ADAMTSL1: variants seen among roughly 807,000 people sequenced by gnomAD.
ADAMTSL1 encodes ADAMTS like 1, also known as ADAMTS-like protein 1.
In ADAMTSL1, 126 loss-of-function variants were observed where a neutral mutation model predicts 201.8. That is an observed-to-expected ratio of 0.62 (90% CI 0.54 to 0.72). The LOEUF (loss-of-function observed/expected upper bound fraction) is 0.72, where lower values mean the gene tolerates loss of function less well. ADAMTSL1 is among the 30% of genes least tolerant of loss of function. The pLI is 0.00. For missense variants in ADAMTSL1, 2,679 were observed against 2,277.8 expected (o/e 1.18, Z -3.59); for synonymous variants, 1,121 against 903.4 (o/e 1.24, Z -4.32).
chr9:18,388,155 A>T (rs1296744462), intron 2 of ADAMTSL1, among the ~76,000 whole-genome samples: 1 of 151,652 alleles, frequency 6.6e-6, no homozygotes, highest in Non-Finnish European at 1.5e-5. Context: ...AATTTTACAC[A>T]TTTTTTTGTA....
intron 2 of ADAMTSL1, among the ~76,000 whole-genome samples, chr9:18,447,174 T>C (rs1289972790): frequency 6.6e-6 from 1 of 152,100 alleles, no homozygotes; most frequent in Non-Finnish European, 1.5e-5. Context: ...ATGAAGCAAA[T>C]ATTTTCTGTA....
At chr9:18,875,845 T>C (rs1223497447) in intron 23 of ADAMTSL1, among the ~76,000 whole-genome samples, 1 of 152,210 alleles carries the variant, frequency 6.6e-6, no homozygotes, top group Admixed American at 6.5e-5. Context: ...CAGTGGATTA[T>C]TGAAGTCTCC....
rs868834637 is a variant in ADAMTSL1 at position 18,839,232 on chromosome 9, G to A, written c.4249+9255G>A. Among the ~76,000 whole-genome samples, 7 of 128,368 alleles carry A rather than the reference G, an allele frequency of 5.5e-5. No homozygotes were observed. The Middle Eastern group carries it at 0.029, about 534-fold the overall frequency. The allele number at this position is 128,368 out of a possible 152,430, so 84.2% of individuals were successfully genotyped here. The stretch of plus-strand genomic sequence containing the variant: ...CAGAGTGTAATGTTCCCCTTCCTGT[G>A]TACATGTGTTCTCATTGTTCAATTC... On this transcript the variant is annotated intron_variant, in intron 23 of 28. Coordinates refer to ENST00000380548, the MANE Select transcript of ADAMTSL1 (RefSeq NM_001040272.6).
intron 20 of ADAMTSL1, among the ~76,000 whole-genome samples, chr9:18,811,798 G>T (rs1369672019): frequency 6.6e-6 from 1 of 152,128 alleles, no homozygotes; most frequent in Non-Finnish European, 1.5e-5. Flanking sequence ...ATAGAGACTG[G>T]AAACAAAGAA....
At chr9:18,131,808 T>C (rs150670487) in intron 1 of ADAMTSL1, among the ~76,000 whole-genome samples, 31 of 152,226 alleles carry the variant, frequency 2.0e-4, no homozygotes, top group African/African-American at 7.2e-4. Context: ...TCTAGTTCAC[T>C]CTCTAGGTGA....
intron 5 of ADAMTSL1, among the ~76,000 whole-genome samples, chr9:18,627,905 G>C (rs1317843931): frequency 6.6e-6 from 1 of 152,158 alleles, no homozygotes; most frequent in African/African-American, 2.4e-5. Context: ...TTTGCATAGT[G>C]TCAGTTCAAG....
At chr9:18,095,416 C>CTTTTGTTTTTTTTTTT (rs1824204246) in intron 1 of ADAMTSL1, among the ~76,000 whole-genome samples, 1 of 100,128 alleles carries the variant, frequency 1.0e-5, no homozygotes, top group Non-Finnish European at 2.0e-5. Flanking sequence ...TTCTTTCTTT[C>CTTTTGTTTTTTTTTTT]TTTTTTTTTT....
At chr9:18,487,173 G>A (rs1385080797) in intron 1 of ADAMTSL1, among the ~76,000 whole-genome samples, 2 of 152,100 alleles carry the variant, frequency 1.3e-5, no homozygotes, top group Admixed American at 6.5e-5. Flanking sequence ...TAACTCCTAA[G>A]TTATACTAAA....
At chr9:18,831,298 G>T (rs905666141) in intron 23 of ADAMTSL1, among the ~76,000 whole-genome samples, 54 of 152,132 alleles carry the variant, frequency 3.5e-4, no homozygotes, top group African/African-American at 1.3e-3. Flanking sequence ...ATTGCATATT[G>T]CCTTTGGCTT....
In ADAMTSL1 at chr9:18,773,172, C is replaced by T. The variant is rs143921461; in HGVS notation, c.2397+2391C>T. Reference sequence around the variant, plus strand: ...TGATCTATGGGTGTTTTTCATCCTCCACTATCTGGGCTCAATCTCATGGTT... The same window carrying T: ...TGATCTATGGGTGTTTTTCATCCTCTACTATCTGGGCTCAATCTCATGGTT... On this transcript the variant is annotated intron_variant, in intron 17 of 28. Coordinates refer to ENST00000380548, the MANE Select transcript of ADAMTSL1 (RefSeq NM_001040272.6). 2.6e-5 allele frequency among the ~76,000 whole-genome samples: 4 copies of T among 152,254 alleles called. No homozygotes were observed. The South Asian group carries it at 6.2e-4, about 24-fold the overall frequency.
At chr9:17,992,071 G>T (rs1016748129) in intron 1 of ADAMTSL1, among the ~76,000 whole-genome samples, 2 of 152,030 alleles carry the variant, frequency 1.3e-5, no homozygotes, top group East Asian at 1.9e-4. Context: ...TGTTTATTTT[G>T]CCCCTTCTGT....
intron 6 of ADAMTSL1, among the ~76,000 whole-genome samples, chr9:18,639,022 A>G (rs1429886138): frequency 6.6e-6 from 1 of 152,068 alleles, no homozygotes; most frequent in Non-Finnish European, 1.5e-5. Context: ...TTTGACAGGA[A>G]CCCTTGAATG....
chr9:18,327,390 T>G (rs1019109769), intron 2 of ADAMTSL1, among the ~76,000 whole-genome samples: 2 of 152,196 alleles, frequency 1.3e-5, no homozygotes, highest in Non-Finnish European at 2.9e-5. Context: ...TGGGCATACT[T>G]TCTCTTTATT....
At chr9:18,661,394 C>T (rs1354031922) in intron 8 of ADAMTSL1, among the ~76,000 whole-genome samples, 1 of 152,158 alleles carries the variant, frequency 6.6e-6, no homozygotes, top group Non-Finnish European at 1.5e-5. Flanking sequence ...TACATTTACT[C>T]AACCCACTCA....
chr9:18,118,679 C>T (rs897487610), intron 1 of ADAMTSL1, among the ~76,000 whole-genome samples: 2 of 152,132 alleles, frequency 1.3e-5, no homozygotes, highest in African/African-American at 4.8e-5. Flanking sequence ...CAATTTTATC[C>T]TTCTACACTC....
Position 18,637,143 on chromosome 9 carries a change from G to A in ADAMTSL1, c.676+1126G>A, listed in dbSNP as rs550304600. 2.0e-5 allele frequency among the ~76,000 whole-genome samples: 3 copies of A among 152,230 alleles called. No individual in the cohort carries two copies. In the East Asian group the frequency reaches 5.8e-4, roughly 29 times the overall value. On this transcript the variant is annotated intron_variant, in intron 6 of 28. Coordinates refer to ENST00000380548, the MANE Select transcript of ADAMTSL1 (RefSeq NM_001040272.6). The stretch of plus-strand genomic sequence containing the variant: ...AAAGAATAAGTAAGGTACAGTTCAG[G>A]CAAAACCAGAAAATGATGATTAAGT...
At chr9:18,243,637 T>C (rs1587384340) in intron 2 of ADAMTSL1, among the ~76,000 whole-genome samples, 1 of 152,096 alleles carries the variant, frequency 6.6e-6, no homozygotes, top group Admixed American at 6.6e-5. Context: ...GCCCCAAAAC[T>C]GTTTCCTTAA....
chr9:18,063,199 G>A (rs984705364), intron 1 of ADAMTSL1, among the ~76,000 whole-genome samples: 1 of 152,080 alleles, frequency 6.6e-6, no homozygotes, highest in African/African-American at 2.4e-5. Context: ...TTTTAAAAAA[G>A]TTAGTTGGGC....
intron 1 of ADAMTSL1, among the ~76,000 whole-genome samples, chr9:18,152,945 T>C (rs190704305): frequency 1.3e-5 from 2 of 152,188 alleles, no homozygotes; most frequent in East Asian, 3.9e-4. Context: ...ATGATCATAT[T>C]TTCTTTCTTT....
Sources: allele counts gnomAD v4.1 joint callset (sites outside exome capture counted in the v4.1 genomes callset), GRCh38; gene constraint gnomAD v4.1.1; transcripts MANE v1.5; gene names NCBI Gene and HGNC (gene_info 2026-07-23, HGNC 2026-07-21).